Variants in PAFAH2 observed in about 807,000 individuals in gnomAD.
The protein encoded by PAFAH2 is platelet activating factor acetylhydrolase 2.
PAFAH2 carries 42 observed loss-of-function variants against 49.0 expected under a neutral mutation model. The ratio of observed to expected loss-of-function variants is 0.86; its 90% confidence interval spans 0.67 to 1.11. The LOEUF is 1.11. Among genes scored for constraint, PAFAH2 ranks in the 50% least tolerant of loss-of-function variants. The pLI is 0.00. For synonymous variants in PAFAH2, 184 were observed against 181.3 expected (o/e 1.01, Z -0.12); for missense variants, 503 against 501.8 (o/e 1.00, Z -0.02).
At chr1:25,982,134 T>C (rs1009893208) in intron 7 of PAFAH2, among the ~76,000 whole-genome samples, 1 of 151,726 alleles carries the variant, frequency 6.6e-6, no homozygotes, top group African/African-American at 2.4e-5. Context: ...ACCACAGATA[T>C]ACAGAGAAAC....
At chr1:25,973,308 T>C (rs1028085588) in intron 9 of PAFAH2, among the ~76,000 whole-genome samples, 2 of 152,148 alleles carry the variant, frequency 1.3e-5, no homozygotes, top group Non-Finnish European at 2.9e-5. Context: ...TAGGTTAATT[T>C]TGGGCTAAAT....
chr1:25,985,351 T>C (rs2049767008), intron 4 of PAFAH2, among the ~76,000 whole-genome samples: 1 of 152,138 alleles, frequency 6.6e-6, no homozygotes, highest in Admixed American at 6.5e-5. Context: ...CAACTTAGGA[T>C]AGGAAACCAT....
At chr1:25,976,971 C>T (rs1017770394) in intron 7 of PAFAH2, among the ~76,000 whole-genome samples, 198 bp from the exon 8 acceptor site, 5 of 150,970 alleles carry the variant, frequency 3.3e-5, no homozygotes, top group Non-Finnish European at 7.4e-5. Context: ...ACTGAACAGC[C>T]TTGTGTAGGC....
chr1:25,980,444 TCCC>T (rs2049667246), intron 7 of PAFAH2, among the ~76,000 whole-genome samples: 1 of 151,582 alleles, frequency 6.6e-6, no homozygotes, highest in African/African-American at 2.4e-5. Context: ...TGCCTCAGCC[TCCC>T]AAGTAGCCAG....
intron 9 of PAFAH2, 112 bp downstream of exon 9, chr1:25,974,368 T>C (rs2049554710): frequency 1.0e-5 from 8 of 786,354 alleles, no homozygotes; most frequent in Non-Finnish European, 1.5e-5. Flanking sequence ...TCAGGAAGTA[T>C]TCAGGTATCC....
At chr1:25,968,893 C>G (rs1052420039) in intron 10 of PAFAH2, among the ~76,000 whole-genome samples, 2 of 152,150 alleles carry the variant, frequency 1.3e-5, no homozygotes. Context: ...CTGTGCCCAA[C>G]TTTTTCAGAC....
rs142268209 is a variant in PAFAH2 at position 25,969,679 on chromosome 1, C to T, written c.1084+2879G>A. ...AAGTAAGTCCTCAAAAATCTTCTTT[C>T]AGTCTAAGTGCCTCCTACCTCCCAT... On this transcript the variant is annotated intron_variant, in intron 10 of 10. Transcript: ENST00000374282. 5.6e-4 allele frequency among the ~76,000 whole-genome samples: 85 copies of T among 152,280 alleles called. 1 individual carries two copies. In the Middle Eastern group the frequency reaches 0.027, roughly 49 times the overall value.
At chr1:25,988,117 T>C in intron 4 of PAFAH2, 114 bp downstream of exon 4, 1 of 687,940 alleles carries the variant, frequency 1.5e-6, no homozygotes, top group Non-Finnish European at 2.5e-6. Flanking sequence ...AGATGGGAGA[T>C]AAGACAGCTA....
At position 25,982,474 on chromosome 1, in the gene PAFAH2, G is replaced by T; in HGVS notation, c.556C>A (p.His186Asn). 1 of 1,611,696 alleles carries T rather than the reference G, an allele frequency of 6.2e-7. No individual in the cohort carries two copies. ...CGTAAACACTCGCTTACCCGCTGATGCACCTGCAACAGAGACAGTCCCAGT... is the reference window on the plus strand; with the variant it reads ...CGTAAACACTCGCTTACCCGCTGATTCACCTGCAACAGAGACAGTCCCAGT... ...KEFHVRNPQV[H>N]QRVSECLRVL... is the part of the protein sequence containing the mutation. The change falls in exon 7 of 11, where the codon CAT becomes AAT. Residue 186 changes from histidine (H) to asparagine (N), a missense_variant. Transcript: ENST00000374282.
At chr1:25,984,858 T>TTC (rs1336078480) in intron 4 of PAFAH2, among the ~76,000 whole-genome samples, 1 of 147,316 alleles carries the variant, frequency 6.8e-6, no homozygotes, top group East Asian at 2.0e-4. Context: ...TTTTTTTTTT[T>TTC]TTTTTTTTGA....
chr1:25,977,453 C>T (rs1462827976), intron 7 of PAFAH2, among the ~76,000 whole-genome samples: 3 of 151,268 alleles, frequency 2.0e-5, no homozygotes, highest in African/African-American at 7.3e-5. Context: ...GAGTTTGAGA[C>T]CAGCCAGGGC....
chr1:25,985,435 T>C (rs1380267741), intron 4 of PAFAH2, among the ~76,000 whole-genome samples: 1 of 152,214 alleles, frequency 6.6e-6, no homozygotes, highest in Non-Finnish European at 1.5e-5. Flanking sequence ...CAATGTTCCT[T>C]ATCCTCCCTT....
At chr1:25,962,619 T>G (rs2049355497) in intron 10 of PAFAH2, among the ~76,000 whole-genome samples, 1 of 151,888 alleles carries the variant, frequency 6.6e-6, no homozygotes. Context: ...GGCTAGGAGT[T>G]CCTAGACCAG....
At chr1:25,970,648 T>C (rs1355234178) in intron 10 of PAFAH2, among the ~76,000 whole-genome samples, 1 of 152,150 alleles carries the variant, frequency 6.6e-6, no homozygotes, top group Non-Finnish European at 1.5e-5. Flanking sequence ...TGCAATGGCA[T>C]GATCTTGGCT....
chr1:25,987,180 G>A (rs2124360121), intron 4 of PAFAH2, among the ~76,000 whole-genome samples: 2 of 151,430 alleles, frequency 1.3e-5, no homozygotes, highest in African/African-American at 4.9e-5. Context: ...GTTGCAGTGA[G>A]CCGAGATCAC....
chr1:25,972,475 C>T, intron 10 of PAFAH2, 83 bp downstream of exon 10: 2 of 1,440,320 alleles, frequency 1.4e-6, no homozygotes, highest in South Asian at 2.6e-5. Context: ...TCCCAGATCC[C>T]AGACATGTCA....
At chr1:25,982,784 T>C (rs1481730907) in intron 6 of PAFAH2, among the ~76,000 whole-genome samples, 1 of 152,228 alleles carries the variant, frequency 6.6e-6, no homozygotes, top group Non-Finnish European at 1.5e-5. Context: ...AGAGTGCTGT[T>C]ATTAGCAAAC....
chr1:25,996,668 C>T (rs1038646330), intron 1 of PAFAH2, among the ~76,000 whole-genome samples: 52 of 152,038 alleles, frequency 3.4e-4, no homozygotes, highest in Admixed American at 2.9e-3. Flanking sequence ...TAACTACTCA[C>T]GAGATTGTTG....
At chr1:25,988,553 G>A (rs1255682619) in intron 3 of PAFAH2, among the ~76,000 whole-genome samples, 1 of 151,876 alleles carries the variant, frequency 6.6e-6, no homozygotes, top group African/African-American at 2.4e-5. Context: ...AGTGGCTCAC[G>A]CCTGTATTCC....
Sources: gnomAD v4.1 joint callset for allele counts (sites outside exome capture counted in the v4.1 genomes callset) on GRCh38, gnomAD v4.1.1 for gene constraint, MANE v1.5 for transcripts, NCBI Gene and HGNC (gene_info 2026-07-23, HGNC 2026-07-21) for gene names.